Variants in PTPRT observed in about 807,000 individuals in gnomAD.
PTPRT encodes protein tyrosine phosphatase receptor type T, also known as receptor-type tyrosine-protein phosphatase T.
In PTPRT, 56 loss-of-function variants were observed where a neutral mutation model predicts 176.8. The ratio of observed to expected loss-of-function variants is 0.32; its 90% CI spans 0.26 to 0.40. The LOEUF is 0.40. PTPRT is among the 10% of genes least tolerant of loss of function. The pLI is 1.00. For synonymous variants in PTPRT, 783 were observed against 739.0 expected (o/e 1.06, Z -0.96); for missense variants, 1,540 against 1,908.2 (o/e 0.81, Z 3.60).
intron 11 of PTPRT, among the ~76,000 whole-genome samples, chr20:42,343,951 G>T (rs2058149899): frequency 6.6e-6 from 1 of 152,234 alleles, no homozygotes; most frequent in South Asian, 2.1e-4. Context: ...CCAGGCTGGA[G>T]TGCAGTGGTG....
In PTPRT at chr20:42,613,127, T is replaced by C. The variant is rs188687007; in HGVS notation, c.1153+64739A>G. Among the ~76,000 whole-genome samples, 230 of 152,340 alleles carry C rather than the reference T, an allele frequency of 1.5e-3. 2 individuals carry two copies. The highest frequency in any genetic ancestry group is 0.013 in the Admixed American group (203 of 15,306). Reference sequence around the variant, plus strand: ...TGAAAAAGTTGTTTCTGCTCAACAGTCTATTCATGGACCATTCCAAAAACT... The same window carrying C: ...TGAAAAAGTTGTTTCTGCTCAACAGCCTATTCATGGACCATTCCAAAAACT... On this transcript the variant is annotated intron_variant, in intron 7 of 30. Transcript: ENST00000373187.
intron 26 of PTPRT, among the ~76,000 whole-genome samples, chr20:42,100,129 A>C (rs983616550): frequency 2.0e-5 from 3 of 152,222 alleles, no homozygotes; most frequent in Middle Eastern, 3.2e-3. Context: ...GGGACAGTGC[A>C]AGTCCAGGGC....
intron 7 of PTPRT, among the ~76,000 whole-genome samples, chr20:42,587,503 G>A (rs1178540441): frequency 6.6e-6 from 1 of 152,174 alleles, no homozygotes; most frequent in African/African-American, 2.4e-5. Context: ...CCTGACCCTG[G>A]TCAGACTCAA....
chr20:42,314,703 T>C (rs925906464), intron 12 of PTPRT, among the ~76,000 whole-genome samples: 2 of 152,120 alleles, frequency 1.3e-5, no homozygotes, highest in African/African-American at 4.8e-5. Flanking sequence ...GAAAAGATCT[T>C]ATGTAACTGA....
chr20:42,708,799 A>G (rs1200789881), intron 6 of PTPRT, among the ~76,000 whole-genome samples: 3 of 152,174 alleles, frequency 2.0e-5, no homozygotes, highest in African/African-American at 7.2e-5. Flanking sequence ...GATCTTAGGG[A>G]ATACAGTCTC....
intron 3 of PTPRT, among the ~76,000 whole-genome samples, chr20:42,783,418 G>A (rs1485960459): frequency 2.0e-5 from 3 of 151,116 alleles, no homozygotes; most frequent in Admixed American, 6.6e-5. Flanking sequence ...AGTGGCAAAT[G>A]ACTTCAACAG....
intron 9 of PTPRT, among the ~76,000 whole-genome samples, chr20:42,420,804 CACA>C (rs1359861838): frequency 6.6e-6 from 1 of 152,176 alleles, no homozygotes; most frequent in African/African-American, 2.4e-5. Flanking sequence ...GCCAAGACCT[CACA>C]ACATTTGGGG....
intron 7 of PTPRT, among the ~76,000 whole-genome samples, chr20:42,665,242 C>T (rs1304837701): frequency 4.6e-5 from 7 of 151,934 alleles, no homozygotes; most frequent in Non-Finnish European, 1.0e-4. Context: ...TGAACTCAAA[C>T]AAATTTACAA....
At chr20:42,085,635 G>A in intron 28 of PTPRT, 93 bp downstream of exon 28, 1 of 1,539,762 alleles carries the variant, frequency 6.5e-7, no homozygotes, top group Non-Finnish European at 8.9e-7. Context: ...GCACAACACA[G>A]ACTCTTGGCT....
At chr20:42,542,807 A>T (rs915598357) in intron 7 of PTPRT, among the ~76,000 whole-genome samples, 4 of 152,202 alleles carry the variant, frequency 2.6e-5, no homozygotes, top group African/African-American at 7.2e-5. Flanking sequence ...TAGCCATTTT[A>T]AAAAGCTCTT....
chr20:42,230,157 T>C (rs983170727), intron 15 of PTPRT, among the ~76,000 whole-genome samples: 3 of 152,142 alleles, frequency 2.0e-5, no homozygotes, highest in Non-Finnish European at 4.4e-5. Context: ...AAGAATGATA[T>C]CGGATTTGAA....
intron 1 of PTPRT, among the ~76,000 whole-genome samples, chr20:42,973,761 A>C (rs1312486115): frequency 6.6e-6 from 1 of 152,260 alleles, no homozygotes; most frequent in African/African-American, 2.4e-5. Context: ...AAGAAGACAA[A>C]GTATGCTCAC....
intron 23 of PTPRT, 141 bp from the exon 24 acceptor site, chr20:42,107,062 G>A (rs1207005583): frequency 1.8e-6 from 2 of 1,104,082 alleles, no homozygotes; most frequent in South Asian, 1.8e-5. Flanking sequence ...TTCTTAATAT[G>A]TATAGTTTGT....
chr20:42,101,380 A>C (rs772526734), intron 26 of PTPRT, among the ~76,000 whole-genome samples: 33 of 152,108 alleles, frequency 2.2e-4, no homozygotes, highest in Non-Finnish European at 4.6e-4. Context: ...GATGGTCCAT[A>C]GTTCCTTCCT....
Position 43,117,586 on chromosome 20 carries a change from G to A in PTPRT, c.88+72060C>T, listed in dbSNP as rs78516491. Among the ~76,000 whole-genome samples the A allele has an allele frequency of 3.3e-3, 495 of 152,220 alleles. 6 individuals are homozygous for A. Among genetic ancestry groups the A allele is most frequent in the African/African-American group, 0.011 (460 of 41,526 alleles). On this transcript the variant is annotated intron_variant, in intron 1 of 30. Coordinates refer to ENST00000373187, the MANE Select transcript of PTPRT (RefSeq NM_007050.6). The stretch of plus-strand genomic sequence containing the variant: ...ATCTCCAAGCTCCATCCTCATCCAC[G>A]CACCAAAGGGACAGGGTAACAGAAA...
chr20:42,276,245 C>T (rs1344490036), intron 13 of PTPRT, among the ~76,000 whole-genome samples: 1 of 151,716 alleles, frequency 6.6e-6, no homozygotes, highest in Non-Finnish European at 1.5e-5. Flanking sequence ...CTAGAGACAA[C>T]AACCTATCAA....
intron 3 of PTPRT, among the ~76,000 whole-genome samples, chr20:42,789,216 T>G (rs1030962692): frequency 6.6e-6 from 1 of 152,214 alleles, no homozygotes; most frequent in Non-Finnish European, 1.5e-5. Flanking sequence ...AACATCTCAC[T>G]AATAATTGTT....
intron 7 of PTPRT, among the ~76,000 whole-genome samples, chr20:42,604,237 G>A (rs967374067): frequency 6.6e-6 from 1 of 151,994 alleles, no homozygotes; most frequent in Admixed American, 6.6e-5. Context: ...GCATTTCCTG[G>A]TTTTTTCAAC....
chr20:42,350,733 G>A lies in PTPRT; in HGVS notation c.1763-3C>T. ...GTCGTACTCAGGCATGGATGGAGCT[G>A]GACAGGAAACAGAGAGTGCAGGTGA... On this transcript the variant is annotated splice_polypyrimidine_tract_variant and splice_region_variant and intron_variant, in intron 10 of 30. Coordinates refer to ENST00000373187, the MANE Select transcript of PTPRT (RefSeq NM_007050.6). 1 of 1,604,970 alleles carries A rather than the reference G, an allele frequency of 6.2e-7. No homozygotes were observed. The highest frequency in any genetic ancestry group is 2.2e-5 in the East Asian group (1 of 44,840).
Sources: allele counts gnomAD v4.1 joint callset (sites outside exome capture counted in the v4.1 genomes callset), GRCh38; gene constraint gnomAD v4.1.1; transcripts MANE v1.5; gene names NCBI Gene and HGNC (gene_info 2026-07-23, HGNC 2026-07-21).